BRCA1: variants seen among roughly 807,000 people sequenced by gnomAD.
The protein encoded by BRCA1 is BRCA1 DNA repair associated, also known as breast cancer type 1 susceptibility protein.
Under a neutral mutation model 173.7 loss-of-function variants are expected in BRCA1, and 140 were observed. That is an observed-to-expected ratio of 0.81 (90% CI 0.70 to 0.93). The LOEUF is 0.93. Among genes scored for constraint, BRCA1 ranks in the 40% least tolerant of loss-of-function variants. The pLI is 0.00. For missense variants in BRCA1, 1,983 were observed against 2,172.5 expected (o/e 0.91, Z 1.73); for synonymous variants, 662 against 756.0 (o/e 0.88, Z 2.04).
At chr17:43,155,725 G>C (rs1407565080) in intron 1 of BRCA1, among the ~76,000 whole-genome samples, 1 of 152,038 alleles carries the variant, frequency 6.6e-6, no homozygotes, top group Non-Finnish European at 1.5e-5. Flanking sequence ...GGTAGGGAAG[G>C]GGTTGCACCA....
At chr17:43,153,143 C>T (rs964465285) in intron 1 of BRCA1, among the ~76,000 whole-genome samples, 5 of 152,192 alleles carry the variant, frequency 3.3e-5, no homozygotes, top group Non-Finnish European at 5.9e-5. Flanking sequence ...ACAGGTCACT[C>T]GACCTGTAGA....
intron 11 of BRCA1, among the ~76,000 whole-genome samples, chr17:43,088,499 G>A (rs567340802): frequency 2.4e-4 from 37 of 151,988 alleles, no homozygotes; most frequent in African/African-American, 8.7e-4. Context: ...TTTGGTGTCC[G>A]GTTTATTTCA....
At chr17:43,107,691 A>G (rs938644547) in intron 3 of BRCA1, among the ~76,000 whole-genome samples, 1 of 152,204 alleles carries the variant, frequency 6.6e-6, no homozygotes, top group Non-Finnish European at 1.5e-5. Flanking sequence ...TGGGAAAATA[A>G]TACTTTTTGT....
At chr17:43,115,333 C>G (rs1224574412) in intron 3 of BRCA1, among the ~76,000 whole-genome samples, 1 of 152,020 alleles carries the variant, frequency 6.6e-6, no homozygotes, top group Non-Finnish European at 1.5e-5. Context: ...GAAACCTTAT[C>G]TCTACTAAAA....
Position 43,092,593 on chromosome 17 carries a change from T to C in BRCA1, c.2938A>G (p.Ile980Val), listed in dbSNP as rs2154351490. The change falls in exon 10 of 23, where the codon ATA becomes GTA. Residue 980 changes from isoleucine to valine, a missense_variant. By Grantham distance (29) the Ile-to-Val change is conservative. Transcript: ENST00000357654. ...KHGLLQNPYR[I>V]PPLFPIKSFV... ...GACTTGATGGGAAAAAGTGGTGGTATACGATATGGGTTTTGTAAAAGTCCA... is the reference window on the plus strand; with the variant it reads ...GACTTGATGGGAAAAAGTGGTGGTACACGATATGGGTTTTGTAAAAGTCCA... 6.2e-7 allele frequency: 1 copy of C among 1,614,106 alleles called. No individual in the cohort carries two copies. Among genetic ancestry groups the C allele is most frequent in the Non-Finnish European group, 8.5e-7 (1 of 1,180,006 alleles).
intron 1 of BRCA1, among the ~76,000 whole-genome samples, chr17:43,153,426 A>T (rs577058773): frequency 6.6e-6 from 1 of 152,334 alleles, no homozygotes; most frequent in East Asian, 1.9e-4. Flanking sequence ...AGGTCACTAG[A>T]CAGATAAACT....
At position 43,076,530 on chromosome 17, in the gene BRCA1, G is replaced by C. The variant is rs2052726464; in HGVS notation, c.4442C>G (p.Ala1481Gly). 6.2e-7 allele frequency: 1 copy of C among 1,613,654 alleles called. No individual in the cohort carries two copies. Among genetic ancestry groups the C allele is most frequent in the South Asian group, 1.1e-5 (1 of 91,058 alleles). The part of the protein sequence containing the change: ...GLSADKFEVS[A>G]DSSTSKNKEP... ...TTTATTTTTACTGGTAGAACTATCT[G>C]CAGACACCTCAAACTTGTCAGCAGA... Residue 1481 changes from alanine to glycine, a missense_variant, in exon 13 of 23, where the codon GCA (alanine) becomes GGA (glycine). Coordinates refer to ENST00000357654, the MANE Select transcript of BRCA1 (RefSeq NM_007294.4).
At chr17:43,131,757 T>C (rs1244058382) in intron 1 of BRCA1, among the ~76,000 whole-genome samples, 14 of 152,214 alleles carry the variant, frequency 9.2e-5, no homozygotes, top group African/African-American at 2.6e-4. Context: ...TTATTTTCTT[T>C]TCTTTTCTCC....
upstream of BRCA1, among the ~76,000 whole-genome samples, chr17:43,127,820 C>G (rs35981166): frequency 2.6e-5 from 4 of 151,640 alleles, no homozygotes; most frequent in South Asian, 2.1e-4. Context: ...GTCAAGAGAT[C>G]GAGACCATCC....
intron 20 of BRCA1, chr17:43,050,068 G>GAAATTT: frequency 2.5e-6 from 1 of 398,580 alleles, no homozygotes; most frequent in Non-Finnish European, 4.4e-6. Context: ...TTACATTGCA[G>GAAATTT]CCAGGTTTTC....
Position 43,091,424 on chromosome 17 carries a change from GGTTCCA to G in BRCA1, c.4096+5_4096+10del. ...TAGACTGGGGCAAACACAAAAACCT[GGTTCCA>G]ATACCTAAGTTTGAATCCATGCTTT... On this transcript the variant is annotated splice_donor_5th_base_variant and intron_variant, in intron 10 of 22. Transcript: ENST00000357654. 1.2e-6 allele frequency: 2 copies of G among 1,613,952 alleles called. No homozygotes were observed. Among genetic ancestry groups the G allele is most frequent in the Non-Finnish European group, 1.7e-6 (2 of 1,179,950 alleles).
intron 1 of BRCA1, chr17:43,169,872 G>GT: frequency 1.9e-5 from 7 of 361,518 alleles, no homozygotes; most frequent in East Asian, 8.4e-5. Flanking sequence ...GCGCAGTCAC[G>GT]TTTTTTTCCC....
chr17:43,052,775 A>G (rs1163184346), intron 19 of BRCA1, among the ~76,000 whole-genome samples: 2 of 125,526 alleles, frequency 1.6e-5, no homozygotes, highest in African/African-American at 6.3e-5. Context: ...AGACAGACGG[A>G]CAGAAACACA....
At chr17:43,079,715 T>C in intron 12 of BRCA1, 5 of 1,382,930 alleles carry the variant, frequency 3.6e-6, no homozygotes, top group Non-Finnish European at 5.1e-6. Context: ...AGAAGCACAC[T>C]TTGTGAGAAC....
chr17:43,077,476 G>A (rs952449872), intron 12 of BRCA1, among the ~76,000 whole-genome samples: 7 of 151,888 alleles, frequency 4.6e-5, no homozygotes, highest in African/African-American at 1.7e-4. Flanking sequence ...CATTACAGGT[G>A]CCTGCCACCA....
At chr17:43,111,562 T>G (rs1244042896) in intron 3 of BRCA1, among the ~76,000 whole-genome samples, 1 of 143,198 alleles carries the variant, frequency 7.0e-6, no homozygotes, top group Non-Finnish European at 1.5e-5. Flanking sequence ...TGGCTCACAC[T>G]TGTAATCCCA....
intron 1 of BRCA1, among the ~76,000 whole-genome samples, chr17:43,134,949 C>T (rs1346639626): frequency 3.3e-5 from 5 of 152,248 alleles, no homozygotes; most frequent in Admixed American, 3.3e-4. Context: ...GCTGTGCAAC[C>T]CCCACAGCAG....
chr17:43,112,880 T>C (rs8176110), intron 3 of BRCA1, among the ~76,000 whole-genome samples: 11 of 151,852 alleles, frequency 7.2e-5, no homozygotes, highest in African/African-American at 2.7e-4. Context: ...CTCGGCTCAC[T>C]GCAACCTCCG....
At chr17:43,114,010 G>A (rs1157428020) in intron 3 of BRCA1, among the ~76,000 whole-genome samples, 1 of 151,402 alleles carries the variant, frequency 6.6e-6, no homozygotes, top group Admixed American at 6.6e-5. Flanking sequence ...AGGAGGTGGA[G>A]GTTGCAGTGA....
Sources: allele counts gnomAD v4.1 joint callset (sites outside exome capture counted in the v4.1 genomes callset), GRCh38; gene constraint gnomAD v4.1.1; transcripts MANE v1.5; gene names NCBI Gene and HGNC (gene_info 2026-07-23, HGNC 2026-07-21).